PCDH7: variants seen among roughly 807,000 people sequenced by gnomAD.
PCDH7 encodes protocadherin 7.
PCDH7 carries 17 observed loss-of-function variants against 58.9 expected under a neutral mutation model. The ratio of observed to expected loss-of-function variants is 0.29; its 90% CI spans 0.20 to 0.43. PCDH7 has a LOEUF of 0.43. Ranked by LOEUF, PCDH7 falls within the 20% of genes least tolerant of loss-of-function variation. The probability of loss-of-function intolerance (pLI) is 1.00; values close to 1 mark genes in which losing one functional copy is unlikely to be tolerated. For missense variants in PCDH7, 1,274 were observed against 1,441.0 expected, an observed-to-expected ratio of 0.88 and a Z score of 1.88; for synonymous variants, 664 against 616.4, an observed-to-expected ratio of 1.08 and a Z score of -1.14.
intron 3 of PCDH7, among the ~76,000 whole-genome samples, chr4:31,017,856 A>G (rs975212225): frequency 1.3e-5 from 2 of 152,216 alleles, no homozygotes; most frequent in African/African-American, 4.8e-5. Context: ...TAATCATGGC[A>G]GCATTCAAGT....
At chr4:30,881,034 C>T (rs1415058789) in intron 1 of PCDH7, among the ~76,000 whole-genome samples, 1 of 152,126 alleles carries the variant, frequency 6.6e-6, no homozygotes, top group East Asian at 1.9e-4. Flanking sequence ...ATCAGATTAG[C>T]TTTCATTAAA....
At chr4:30,892,596 T>C (rs1233869547) in intron 1 of PCDH7, among the ~76,000 whole-genome samples, 3 of 152,048 alleles carry the variant, frequency 2.0e-5, no homozygotes, top group Non-Finnish European at 4.4e-5. Flanking sequence ...TTATACTGCA[T>C]AGGTTTGTGA....
chr4:31,034,244 C>A (rs1755197006), intron 3 of PCDH7, among the ~76,000 whole-genome samples: 1 of 152,172 alleles, frequency 6.6e-6, no homozygotes, highest in South Asian at 2.1e-4. Flanking sequence ...TACTTTAATT[C>A]TCTACATCGA....
intron 1 of PCDH7, among the ~76,000 whole-genome samples, chr4:30,803,821 G>A (rs540509472): frequency 6.6e-6 from 1 of 152,188 alleles, no homozygotes; most frequent in Admixed American, 6.5e-5. Flanking sequence ...CCTTGTAAAT[G>A]TAAGACTTAC....
At chr4:30,940,711 G>T (rs1330855792) in intron 2 of PCDH7, among the ~76,000 whole-genome samples, 1 of 151,926 alleles carries the variant, frequency 6.6e-6, no homozygotes, top group Non-Finnish European at 1.5e-5. Context: ...GAAGGAACAG[G>T]TCCTTTACGT....
At chr4:30,920,076 GTAATT>G in intron 1 of PCDH7, 72 bp from the exon 2 acceptor site, 1 of 1,104,144 alleles carries the variant, frequency 9.1e-7, no homozygotes, top group Non-Finnish European at 1.2e-6. Flanking sequence ...CTTAATGTAT[GTAATT>G]TATGTATTTT....
At chr4:31,131,217 G>C (rs1718942474) in intron 3 of PCDH7, among the ~76,000 whole-genome samples, 1 of 152,084 alleles carries the variant, frequency 6.6e-6, no homozygotes, top group Admixed American at 6.6e-5. Flanking sequence ...GTTTAACAGT[G>C]AGATTTTGCC....
intron 3 of PCDH7, among the ~76,000 whole-genome samples, chr4:31,111,241 A>AT (rs140553381): frequency 0.53 from 79,697 of 151,682 alleles, 22,684 homozygotes; most frequent in East Asian, 0.78. Flanking sequence ...TAAAAATAAG[A>AT]TTAAAAAGAA....
chr4:30,975,906 T>C (rs554009818), intron 3 of PCDH7, among the ~76,000 whole-genome samples: 4 of 152,338 alleles, frequency 2.6e-5, no homozygotes, highest in Non-Finnish European at 4.4e-5. Context: ...ATTTCCATTA[T>C]GTCCTTCAAT....
intron 3 of PCDH7, among the ~76,000 whole-genome samples, chr4:31,130,552 C>A (rs2109335773): frequency 6.6e-6 from 1 of 152,294 alleles, no homozygotes; most frequent in Admixed American, 6.5e-5. Context: ...TAGCTATAAA[C>A]AATAACTACA....
In PCDH7 at chr4:30,723,501, C is replaced by T; in HGVS notation, c.2079C>T (p.Thr693=). The change falls in exon 1 of 2, where the codon ACC becomes ACT. Residue 693 remains threonine (T), a synonymous_variant. Coordinates refer to ENST00000361762, the Ensembl canonical transcript of PCDH7. This position sits in a 1 kb window ranked among gnomAD's most constrained non-coding sequence, Gnocchi z 4.6. ...TTTCTATTGAAAATGACACGGGGACCATTTACTCCACAATGTCTTTTGACC... is the reference window on the plus strand; with the variant it reads ...TTTCTATTGAAAATGACACGGGGACTATTTACTCCACAATGTCTTTTGACC... 1 of 1,614,100 alleles carries T rather than the reference C, an allele frequency of 6.2e-7. No homozygotes were observed. The highest frequency in any genetic ancestry group is 8.5e-7 in the Non-Finnish European group (1 of 1,180,018).
chr4:31,083,707 C>T (rs1578751226), intron 3 of PCDH7, among the ~76,000 whole-genome samples: 1 of 152,136 alleles, frequency 6.6e-6, no homozygotes, highest in Admixed American at 6.5e-5. Flanking sequence ...TCAATATGCT[C>T]GTTTCTCAAA....
Position 30,876,216 on chromosome 4 carries a change from T to C in PCDH7, c.71-43937T>C, listed in dbSNP as rs1736265971. Among the ~76,000 whole-genome samples, 6 of 152,236 alleles carry C rather than the reference T, an allele frequency of 3.9e-5. 1 individual carries two copies. In the South Asian group the frequency reaches 1.2e-3, roughly 32 times the overall value. ...ATAGTGTTAATATTCTTACCTGTTG[T>C]CATCTAGTGAATAGGAAAACATATC... is the stretch of plus-strand genomic sequence containing the variant. On this transcript the variant is annotated intron_variant, in intron 1 of 3. Transcript: ENST00000509759.
chr4:30,960,596 G>C (rs1279975023), intron 3 of PCDH7, among the ~76,000 whole-genome samples: 2 of 152,158 alleles, frequency 1.3e-5, no homozygotes, highest in African/African-American at 4.8e-5. Context: ...AACAATCACA[G>C]TGTAAACATC....
chr4:31,015,896 T>C (rs1049730943), intron 3 of PCDH7, among the ~76,000 whole-genome samples: 3 of 152,204 alleles, frequency 2.0e-5, no homozygotes, highest in African/African-American at 7.2e-5. Context: ...AATTTAAATT[T>C]ATTTTGAAAT....
intron 1 of PCDH7, among the ~76,000 whole-genome samples, chr4:30,917,977 T>C (rs1402597569): frequency 1.3e-5 from 2 of 152,190 alleles, no homozygotes; most frequent in East Asian, 3.8e-4. Context: ...TCTAAGTTTA[T>C]TGGTATGTCT....
chr4:31,014,737 A>C (rs969422422), intron 3 of PCDH7, among the ~76,000 whole-genome samples: 1 of 152,188 alleles, frequency 6.6e-6, no homozygotes, highest in African/African-American at 2.4e-5. Flanking sequence ...CTTTTCTTAA[A>C]TGATATCACA....
chr4:30,853,972 G>C (rs10028626), intron 1 of PCDH7, among the ~76,000 whole-genome samples: 5,527 of 151,900 alleles, frequency 0.036, 325 homozygotes, highest in African/African-American at 0.13. Flanking sequence ...AACATTTCAA[G>C]GTAAAATGAA....
intron 1 of PCDH7, among the ~76,000 whole-genome samples, chr4:30,759,651 C>T (rs1719771462): frequency 6.6e-6 from 1 of 152,052 alleles, no homozygotes; most frequent in Non-Finnish European, 1.5e-5. Context: ...AATTTCATTA[C>T]ATTATAAATA....
Sources: gnomAD v4.1 joint callset for allele counts (sites outside exome capture counted in the v4.1 genomes callset) on GRCh38, gnomAD v4.1.1 for gene constraint, Gnocchi (gnomAD v3.1) non-coding constraint, MANE v1.5 for transcripts, NCBI Gene and HGNC (gene_info 2026-07-23, HGNC 2026-07-21) for gene names.